Variants in GPC2 observed in about 807,000 individuals in gnomAD.
The protein encoded by GPC2 is glypican-2.
GPC2 carries 42 observed loss-of-function variants against 57.3 expected under a neutral mutation model. The observed-to-expected ratio is 0.73, with a 90% CI of 0.57 to 0.95. The LOEUF is 0.95. Among genes scored for constraint, GPC2 ranks in the 40% least tolerant of loss-of-function variants. GPC2 has a pLI of 0.00. For missense variants in GPC2, 745 were observed against 793.6 expected (o/e 0.94, Z 0.74); for synonymous variants, 364 against 343.4 (o/e 1.06, Z -0.66).
At position 100,170,428 on chromosome 7, in the gene GPC2, A is replaced by C. The variant is rs1584628890; in HGVS notation, c.1542T>G (p.Ala514=). 1 of 1,607,366 alleles carries C rather than the reference A, an allele frequency of 6.2e-7. No homozygotes were observed. The highest frequency in any genetic ancestry group is 8.5e-7 in the Non-Finnish European group (1 of 1,176,264). ...GCCGGGCTGGGGGAGCCACAGCCCC[A>C]GCCATCCAGTCATCTGCATACTGCT... ...GGQQYADDWM[A]GAVAPPARPP... The change falls in exon 10 of 10, where the codon GCT becomes GCG. Residue 514 remains alanine (A), a synonymous_variant. Transcript: ENST00000292377.
In GPC2 at chr7:100,171,476, C is replaced by A. The variant is rs1029912352; in HGVS notation, c.1311-40G>T. 4 of 1,346,168 alleles carry A rather than the reference C, an allele frequency of 3.0e-6. No individual in the cohort carries two copies. The African/African-American group carries it at 4.6e-5, about 16-fold the overall frequency. The allele number at this position is 1,346,168 out of a possible 1,614,324, so 83.4% of individuals were successfully genotyped here. A position where few individuals can be genotyped will look rare whatever the true frequency, so the allele number is the denominator to read the frequency against. On this transcript the variant is annotated intron_variant, in intron 8 of 9. Coordinates refer to ENST00000292377, the MANE Select transcript of GPC2 (RefSeq NM_152742.3). This position sits in a 1 kb window ranked among gnomAD's most constrained non-coding sequence, Gnocchi z 4.8. ...GCCCCGAAGCGCCAGCTAGCGCGCG[C>A]GGCCCCGCCCCTCCCGGCCGCGGTC...
At chr7:100,172,932 G>A (rs1799210456) in intron 5 of GPC2, among the ~76,000 whole-genome samples, 1 of 150,580 alleles carries the variant, frequency 6.6e-6, no homozygotes, top group African/African-American at 2.4e-5. Context: ...GGAGTGCAAT[G>A]GCATGATCTT....
intron 3 of GPC2, 74 bp from the exon 4 acceptor site, chr7:100,174,839 G>C: frequency 9.0e-7 from 1 of 1,106,058 alleles, no homozygotes; most frequent in Non-Finnish European, 1.4e-6. Context: ...CCAAGAGACT[G>C]CATCAAGAGC....
chr7:100,172,265 G>C (rs756442226), intron 5 of GPC2, 48 bp from the exon 6 acceptor site: 6 of 1,592,238 alleles, frequency 3.8e-6, no homozygotes, highest in Non-Finnish European at 5.1e-6. Context: ...TGGTGATACT[G>C]AACTAGGATG....
chr7:100,171,009 C>A lies in GPC2; in HGVS notation c.1486+252G>T, dbSNP rs933752354. 2.4e-6 allele frequency: 1 copy of A among 422,922 alleles called. No individual in the cohort carries two copies. The highest frequency in any genetic ancestry group is 4.1e-6 in the Non-Finnish European group (1 of 241,058). The allele number at this position is 422,922 out of a possible 1,614,324, so 26.2% of individuals were successfully genotyped here. A position where few individuals can be genotyped will look rare whatever the true frequency, so the allele number is the denominator to read the frequency against. On this transcript the variant is annotated intron_variant, in intron 9 of 9. Transcript: ENST00000292377. This position sits in a 1 kb window ranked among gnomAD's most constrained non-coding sequence, Gnocchi z 4.8. ...CCCCATTTTCCCACTGCCCTTTGCC[C>A]ATTATAAGGGGCTTCCCACTGTTCT... is the stretch of plus-strand genomic sequence containing the variant.
intron 1 of GPC2, among the ~76,000 whole-genome samples, chr7:100,176,704 G>A (rs12705074): frequency 0.076 from 11,506 of 152,222 alleles, 588 homozygotes; most frequent in Non-Finnish European, 0.11. Context: ...GCTTGGAAGG[G>A]TGGGGTTACT....
In GPC2 at chr7:100,171,029, T is replaced by A; in HGVS notation, c.1486+232A>T. On this transcript the variant is annotated intron_variant, in intron 9 of 9. Coordinates refer to ENST00000292377, the MANE Select transcript of GPC2 (RefSeq NM_152742.3). This position sits in a 1 kb window ranked among gnomAD's most constrained non-coding sequence, Gnocchi z 4.8. ...TTGCCCATTATAAGGGGCTTCCCAC[T>A]GTTCTTTAAGAATGTTTTCGTGTCT... 2.4e-6 allele frequency: 1 copy of A among 423,090 alleles called. No individual in the cohort carries two copies. The allele number at this position is 423,090 out of a possible 1,614,324, so 26.2% of individuals were successfully genotyped here. A position where few individuals can be genotyped will look rare whatever the true frequency, so the allele number is the denominator to read the frequency against.
intron 1 of GPC2, among the ~76,000 whole-genome samples, chr7:100,176,707 G>A (rs186161887): frequency 2.4e-4 from 36 of 152,244 alleles, no homozygotes; most frequent in African/African-American, 6.0e-4. Context: ...TGGAAGGGTG[G>A]GGTTACTTGG....
intron 5 of GPC2, among the ~76,000 whole-genome samples, chr7:100,172,931 T>C (rs1799210427): frequency 6.7e-6 from 1 of 150,214 alleles, no homozygotes; most frequent in Admixed American, 6.7e-5. Context: ...TGGAGTGCAA[T>C]GGCATGATCT....
At chr7:100,176,983 C>A in intron 1 of GPC2, 51 bp downstream of exon 1, 1 of 390,972 alleles carries the variant, frequency 2.6e-6, no homozygotes, top group Non-Finnish European at 4.4e-6. Context: ...ATGAGGAGGC[C>A]CCGCCCCCGC....
chr7:100,173,172 G>A (rs1799212820), intron 5 of GPC2, among the ~76,000 whole-genome samples: 1 of 151,922 alleles, frequency 6.6e-6, no homozygotes, highest in South Asian at 2.1e-4. Context: ...ATGCCCAGCC[G>A]GCCAAGCTGG....
intron 5 of GPC2, among the ~76,000 whole-genome samples, chr7:100,172,465 A>ATTTTTTTTTTTTTTTTTTTTT (rs766292878): frequency 6.4e-5 from 9 of 140,190 alleles, no homozygotes; most frequent in Admixed American, 3.6e-4. Flanking sequence ...GGATTTTAGG[A>ATTTTTTTTTTTTTTTTTTTTT]TTTTTTTTTT....
chr7:100,170,238 G>A lies in GPC2; in HGVS notation c.1732C>T (p.Pro578Ser), dbSNP rs1229985251. 9.0e-6 allele frequency: 14 copies of A among 1,556,078 alleles called. No individual in the cohort carries two copies. The highest frequency in any genetic ancestry group is 1.2e-5 in the Non-Finnish European group (14 of 1,149,282). The change falls in exon 10 of 10, where the codon CCT (proline) becomes TCT (serine). Residue 578 changes from proline (P) to serine (S), a missense_variant. Around this residue, in one of 2 missense-constraint regions of GPC2, gnomAD observed 607 missense variants for 603.9 expected, o/e 1.01. Coordinates refer to ENST00000292377, the MANE Select transcript of GPC2 (RefSeq NM_152742.3). ...LSLSALALLG[P>S]R is the part of the protein sequence containing the mutation. ...AGGGCACCCCTCCCCCGTTATCGAG[G>A]TCCAAGCAGGGCCAGGGCTGAGAGG...
chr7:100,173,256 C>A (rs186778007), intron 5 of GPC2, among the ~76,000 whole-genome samples: 3 of 152,092 alleles, frequency 2.0e-5, no homozygotes, highest in Non-Finnish European at 4.4e-5. Context: ...AAGCGTGAGC[C>A]ACCGTGCCTG....
Position 100,171,613 on chromosome 7 carries a change from C to A in GPC2, c.1236G>T (p.Val412=). Residue 412 remains valine, a synonymous_variant, in exon 8 of 10, where the codon GTG becomes GTT. Transcript: ENST00000292377. This position sits in a 1 kb window ranked among gnomAD's most constrained non-coding sequence, Gnocchi z 4.8. ...CCGCTGCCATGCGAGAGTCTCCGCA[C>A]ACCGTCAGGGACAGCCGGGCCCAGA... is the stretch of plus-strand genomic sequence containing the variant. ...RGFWARLSLT[V]CGDSRMAADA... The A allele has an allele frequency of 6.5e-7, 1 of 1,533,520 alleles. No individual in the cohort carries two copies. The highest frequency in any genetic ancestry group is 8.7e-7 in the Non-Finnish European group (1 of 1,153,286). 95.0% of individuals were successfully genotyped at this position (1,533,520 alleles called of 1,614,324 possible). A position where few individuals can be genotyped will look rare whatever the true frequency, so the allele number is the denominator to read the frequency against.
At chr7:100,172,465 A>ATTTTTTTTTTTTTTTTTTTT (rs766292878) in intron 5 of GPC2, among the ~76,000 whole-genome samples, 10 of 140,188 alleles carry the variant, frequency 7.1e-5, no homozygotes, top group South Asian at 2.3e-4. Context: ...GGATTTTAGG[A>ATTTTTTTTTTTTTTTTTTTT]TTTTTTTTTT....
In GPC2 at chr7:100,176,513, C is replaced by G. The variant is rs1270536757; in HGVS notation, c.167-148G>C. 9.6e-6 allele frequency: 7 copies of G among 726,446 alleles called. No individual in the cohort carries two copies. The African/African-American group carries it at 1.1e-4, about 11-fold the overall frequency. 45.0% of individuals were successfully genotyped at this position (726,446 alleles called of 1,614,324 possible). A position where few individuals can be genotyped will look rare whatever the true frequency, so the allele number is the denominator to read the frequency against. ...ACCCTCTTCCCTACCTGAACCTATC[C>G]CCTACCTTATTGTCTCCTGACCCAT... On this transcript the variant is annotated intron_variant, in intron 1 of 9. Transcript: ENST00000292377.
chr7:100,171,898 G>A lies in GPC2; in HGVS notation c.1051C>T (p.Pro351Ser), dbSNP rs764267538. The A allele has an allele frequency of 2.3e-5, 34 of 1,500,572 alleles. No homozygotes were observed. The highest frequency in any genetic ancestry group is 2.8e-5 in the Non-Finnish European group (32 of 1,129,988). 93.0% of individuals were successfully genotyped at this position (1,500,572 alleles called of 1,614,324 possible). A position where few individuals can be genotyped will look rare whatever the true frequency, so the allele number is the denominator to read the frequency against. ...QVFQECGPPD[P>S]VPARNRRAPP... ...GCTCGACGGTTGCGGGCAGGCACCG[G>A]GTCGGGGGGGCCGCACTCCTGAAAC... Residue 351 changes from proline to serine, a missense_variant, in exon 7 of 10, where the codon CCG becomes TCG. Pro to Ser is a moderately conservative substitution (Grantham distance 74). Transcript: ENST00000292377. The surrounding 1 kb of genome is among the most constrained non-coding windows in gnomAD (Gnocchi z 4.8).
intron 4 of GPC2, 103 bp downstream of exon 4, chr7:100,174,582 C>T: frequency 3.6e-6 from 3 of 844,688 alleles, no homozygotes; most frequent in Non-Finnish European, 4.0e-6. Context: ...AGACAGAGCC[C>T]AAGGCCTGTC....
Sources: gnomAD v4.1 joint callset for allele counts (sites outside exome capture counted in the v4.1 genomes callset) on GRCh38, gnomAD v4.1.1 for gene constraint, gnomAD v4.1.1 regional missense constraint, Gnocchi (gnomAD v3.1) non-coding constraint, MANE v1.5 for transcripts, NCBI Gene and HGNC (gene_info 2026-07-23, HGNC 2026-07-21) for gene names.